Variants in ALG2 observed in about 807,000 individuals in gnomAD.
ALG2 encodes the protein alpha-1,3/1,6-mannosyltransferase ALG2.
ALG2 carries 32 observed loss-of-function variants against 30.5 expected under a neutral mutation model. The observed-to-expected ratio is 1.05, with a 90% CI of 0.79 to 1.41. The LOEUF (loss-of-function observed/expected upper bound fraction) is 1.41. Among genes scored for constraint, ALG2 ranks in the 40% most tolerant of loss-of-function variants. The probability of loss-of-function intolerance (pLI) is 0.00; values close to 1 mark genes in which losing one functional copy is unlikely to be tolerated. For synonymous variants in ALG2, 253 were observed against 224.8 expected, an observed-to-expected ratio of 1.13 and a Z score of -1.12; for missense variants, 574 against 526.4, an observed-to-expected ratio of 1.09 and a Z score of -0.88.
At position 99,221,571 on chromosome 9, in the gene ALG2, C is replaced by T. The variant is rs1418025063; in HGVS notation, c.324G>A (p.Glu108=). 1.3e-6 allele frequency: 2 copies of T among 1,544,696 alleles called. No individual in the cohort carries two copies. The highest frequency in any genetic ancestry group is 1.2e-5 in the South Asian group (1 of 84,090). ...ALYVLFLADE[E]FDVVVCDQVS... ...CCTGGTCGCACACTACCACGTCGAACTCCTCGTCGGCGAGGAACAGCACGT... is the reference window on the plus strand; with the variant it reads ...CCTGGTCGCACACTACCACGTCGAATTCCTCGTCGGCGAGGAACAGCACGT... The change falls in exon 1 of 2, where the codon GAG becomes GAA. Residue 108 remains glutamate, a synonymous_variant. Transcript: ENST00000476832.
In ALG2 at chr9:99,217,515, A is replaced by C; in HGVS notation, c.*419T>G. 2.2e-6 allele frequency: 1 copy of C among 455,478 alleles called. No homozygotes were observed. The highest frequency in any genetic ancestry group is 1.6e-5 in the South Asian group (1 of 64,492). The allele number at this position is 455,478 out of a possible 1,614,324, so 28.2% of individuals were successfully genotyped here. The stretch of plus-strand genomic sequence containing the variant: ...TGACAGTGAACACTTCGGTGGATTG[A>C]ATCTGGGAACTACAATAGCCCTGCT... On this transcript the variant is annotated 3_prime_UTR_variant, in exon 2 of 2. Coordinates refer to ENST00000476832, the MANE Select transcript of ALG2 (RefSeq NM_033087.4).
chr9:99,221,745 C>T lies in ALG2; in HGVS notation c.150G>A (p.Trp50Ter). ...LQARGCSVKI[W>*]TAHYDPGHCF... Reference sequence around the variant, plus strand: ...AGTGGCCCGGGTCGTAGTGCGCTGTCCAGATCTTCACGCTACACCCGCGCG... The same window carrying T: ...AGTGGCCCGGGTCGTAGTGCGCTGTTCAGATCTTCACGCTACACCCGCGCG... The change falls in exon 1 of 2, where the codon TGG becomes TGA. Residue 50 changes from tryptophan to a stop codon, truncating the protein, a stop_gained. Transcript: ENST00000476832. LOFTEE classifies it high-confidence loss of function. The T allele has an allele frequency of 6.3e-7, 1 of 1,599,022 alleles. No homozygotes were observed. Among genetic ancestry groups the T allele is most frequent in the Non-Finnish European group, 8.5e-7 (1 of 1,179,532 alleles).
chr9:99,218,056 T>C lies in ALG2; in HGVS notation c.1129A>G (p.Ile377Val), dbSNP rs886063260. 3 of 1,614,062 alleles carry C rather than the reference T, an allele frequency of 1.9e-6. No homozygotes were observed. Among genetic ancestry groups the C allele is most frequent in the South Asian group, 1.1e-5 (1 of 91,078 alleles). Residue 377 changes from isoleucine (I) to valine (V), a missense_variant, in exon 2 of 2, where the codon ATC (isoleucine) becomes GTC (valine). Ile to Val is a conservative substitution (Grantham distance 29). Transcript: ENST00000476832. ...GTGGCTTTTAAGGAAGGTTCACGGA[T>C]GAACTTTTCTATTGCTTCTGAGAAG... ...VHFSEAIEKF[I>V]REPSLKATMG...
At chr9:99,221,424 C>T (rs1828798091) in intron 1 of ALG2, 123 bp downstream of exon 1, 2 of 1,176,344 alleles carry the variant, frequency 1.7e-6, no homozygotes, top group Non-Finnish European at 2.4e-6. Context: ...ACCCTGACTT[C>T]TCCATGTCAG....
Position 99,217,152 on chromosome 9 carries a change from G to A in ALG2, c.*782C>T, listed in dbSNP as rs976253925. On this transcript the variant is annotated 3_prime_UTR_variant, in exon 2 of 2. Transcript: ENST00000476832. ...TGTGTCCTATACTTAGTAGGAGCTT[G>A]GTCAAGACAACACAAATATTAACAA... 6.6e-6 allele frequency: 3 copies of A among 453,904 alleles called. No individual in the cohort carries two copies. Among genetic ancestry groups the A allele is most frequent in the Admixed American group, 2.4e-5 (1 of 42,552 alleles). 28.1% of individuals were successfully genotyped at this position (453,904 alleles called of 1,614,324 possible).
At chr9:99,221,108 C>A in intron 1 of ALG2, 1 of 1,363,370 alleles carries the variant, frequency 7.3e-7, no homozygotes, top group Non-Finnish European at 9.7e-7. Flanking sequence ...GGCCTGGCTC[C>A]GAACACAAGG....
Position 99,218,768 on chromosome 9 carries a change from G to A in ALG2, c.417C>T (p.Phe139=). Residue 139 remains phenylalanine, a synonymous_variant, in exon 2 of 2, where the codon TTC becomes TTT. Transcript: ENST00000476832. ...RRKKILFYCH[F]PDLLLTKRDS... is the part of the protein sequence containing the mutation. ...CTCTCTTGGTGAGAAGCAGATCTGG[G>A]AAGTGACAGTAAAATAGGATCTTCT... 2 of 1,613,488 alleles carry A rather than the reference G, an allele frequency of 1.2e-6. No homozygotes were observed. Among genetic ancestry groups the A allele is most frequent in the Middle Eastern group, 1.7e-4 (1 of 6,060 alleles).
rs745921647 is a variant in ALG2, at chr9:99,218,772, T to C, written c.413A>G (p.His138Arg). 1 of 1,613,258 alleles carries C rather than the reference T, an allele frequency of 6.2e-7. No individual in the cohort carries two copies. The highest frequency in any genetic ancestry group is 8.5e-7 in the Non-Finnish European group (1 of 1,180,014). ...RRRKKILFYC[H>R]FPDLLLTKRD... ...CTTGGTGAGAAGCAGATCTGGGAAG[T>C]GACAGTAAAATAGGATCTTCTTCCG... is the stretch of plus-strand genomic sequence containing the variant. The change falls in exon 2 of 2, where the codon CAC becomes CGC. Residue 138 changes from histidine to arginine, a missense_variant. By Grantham distance (29) the His-to-Arg change is conservative. Transcript: ENST00000476832.
chr9:99,217,102 C>A lies in ALG2; in HGVS notation c.*832G>T, dbSNP rs931880508. The A allele has an allele frequency of 4.0e-5, 18 of 453,986 alleles. No homozygotes were observed. The highest frequency in any genetic ancestry group is 3.4e-4 in the African/African-American group (17 of 50,000). The allele number at this position is 453,986 out of a possible 1,614,324, so 28.1% of individuals were successfully genotyped here. A position where few individuals can be genotyped will look rare whatever the true frequency, so the allele number is the denominator to read the frequency against. On this transcript the variant is annotated 3_prime_UTR_variant, in exon 2 of 2. Transcript: ENST00000476832. ...AGCTTTGCAGCAGTGGCATTTGAGC[C>A]AGGCCTTGGAAGATAAAAAACATTT...
In ALG2 at chr9:99,217,251, C is replaced by T. The variant is rs1335858016; in HGVS notation, c.*683G>A. The T allele has an allele frequency of 2.2e-6, 1 of 454,104 alleles. No individual in the cohort carries two copies. Among genetic ancestry groups the T allele is most frequent in the Non-Finnish European group, 4.4e-6 (1 of 226,794 alleles). 28.1% of individuals were successfully genotyped at this position (454,104 alleles called of 1,614,324 possible). ...CAACACATGTGTGACAATATTCTTG[C>T]TTCATTTCAATATCCACTTTACCCT... On this transcript the variant is annotated 3_prime_UTR_variant, in exon 2 of 2. Coordinates refer to ENST00000476832, the MANE Select transcript of ALG2 (RefSeq NM_033087.4).
rs772649099 is a variant in ALG2 at position 99,218,029 on chromosome 9, T to C, written c.1156A>G (p.Met386Val). 66 of 1,614,110 alleles carry C rather than the reference T, an allele frequency of 4.1e-5. No individual in the cohort carries two copies. The Admixed American group carries it at 8.3e-4, about 20-fold the overall frequency. Residue 386 changes from methionine (M) to valine (V), a missense_variant, in exon 2 of 2, where the codon ATG becomes GTG. Coordinates refer to ENST00000476832, the MANE Select transcript of ALG2 (RefSeq NM_033087.4). ...ACTCTGGCTCTTCCAGCCAGGCCCA[T>C]GGTGGCTTTTAAGGAAGGTTCACGG... is the stretch of plus-strand genomic sequence containing the variant. The part of the protein sequence containing the change: ...FIREPSLKAT[M>V]GLAGRARVKE...
In ALG2 at chr9:99,216,865, G is replaced by T; in HGVS notation, c.*1069C>A. On this transcript the variant is annotated 3_prime_UTR_variant, in exon 2 of 2. Coordinates refer to ENST00000476832, the MANE Select transcript of ALG2 (RefSeq NM_033087.4). ...CTAGCTCTTAAGAGTTGATAAATGT[G>T]GAGCCTTTGGCTAGTAAGCTTTGCT... The T allele has an allele frequency of 4.4e-6, 2 of 454,132 alleles. No homozygotes were observed. Among genetic ancestry groups the T allele is most frequent in the Non-Finnish European group, 8.8e-6 (2 of 226,802 alleles). The allele number at this position is 454,132 out of a possible 1,614,324, so 28.1% of individuals were successfully genotyped here.
At position 99,216,554 on chromosome 9, in the gene ALG2, T is replaced by C. The variant is rs1053775692; in HGVS notation, c.*1380A>G. On this transcript the variant is annotated 3_prime_UTR_variant, in exon 2 of 2. Coordinates refer to ENST00000476832, the MANE Select transcript of ALG2 (RefSeq NM_033087.4). ...TGTGATACAGATGCACATGATAAAC[T>C]GTAAAATGGAATTTCACCCATTGAA... is the stretch of plus-strand genomic sequence containing the variant. 1 of 454,032 alleles carries C rather than the reference T, an allele frequency of 2.2e-6. No homozygotes were observed. Among genetic ancestry groups the C allele is most frequent in the African/African-American group, 2.0e-5 (1 of 50,016 alleles). 28.1% of individuals were successfully genotyped at this position (454,032 alleles called of 1,614,324 possible).
chr9:99,221,486 C>T, intron 1 of ALG2, 61 bp downstream of exon 1: 4 of 1,510,142 alleles, frequency 2.6e-6, no homozygotes, highest in Non-Finnish European at 3.6e-6. Flanking sequence ...AGGGGTCATG[C>T]CCGCGGCCGC....
chr9:99,216,471 G>A lies in ALG2; in HGVS notation c.*1463C>T, dbSNP rs946431116. The A allele has an allele frequency of 2.3e-6, 1 of 441,396 alleles. No homozygotes were observed. Among genetic ancestry groups the A allele is most frequent in the Admixed American group, 2.5e-5 (1 of 40,024 alleles). The allele number at this position is 441,396 out of a possible 1,614,324, so 27.3% of individuals were successfully genotyped here. ...ATCCCATAAAAGACTCAATATATTT[G>A]GCACCCTCATTTTATAGTACTCCTT... On this transcript the variant is annotated 3_prime_UTR_variant, in exon 2 of 2. Coordinates refer to ENST00000476832, the MANE Select transcript of ALG2 (RefSeq NM_033087.4).
Position 99,217,571 on chromosome 9 carries a change from C to CTTTGATAA in ALG2, c.*355_*362dup. The CTTTGATAA allele has an allele frequency of 2.2e-6, 1 of 461,014 alleles. No individual in the cohort carries two copies. Among genetic ancestry groups the CTTTGATAA allele is most frequent in the Non-Finnish European group, 4.3e-6 (1 of 231,452 alleles). The allele number at this position is 461,014 out of a possible 1,614,324, so 28.6% of individuals were successfully genotyped here. ...TATACTATGAAGCCAAATTAATCAACTTTGATAATGATACACACTTAAACT... is the reference window on the plus strand; with the variant it reads ...TATACTATGAAGCCAAATTAATCAACTTTGATAATTTGATAATGATACACACTTAAACT... On this transcript the variant is annotated 3_prime_UTR_variant, in exon 2 of 2. Transcript: ENST00000476832.
Position 99,218,270 on chromosome 9 carries a change from G to A in ALG2, c.915C>T (p.Asp305=). 1 of 1,614,248 alleles carries A rather than the reference G, an allele frequency of 6.2e-7. No individual in the cohort carries two copies. The highest frequency in any genetic ancestry group is 8.5e-7 in the Non-Finnish European group (1 of 1,180,032). ...TGTGGAGGAGGGAGATTTTCTGTTT[G>A]TCTGAGAAAGACCTCAAGAAGGTCA... ...QYVTFLRSFS[D]KQKISLLHSC... The change falls in exon 2 of 2, where the codon GAC becomes GAT. Residue 305 remains aspartate, a synonymous_variant. Transcript: ENST00000476832.
rs190332411 is a variant in ALG2 at position 99,216,827 on chromosome 9, T to C, written c.*1107A>G. 3 of 454,148 alleles carry C rather than the reference T, an allele frequency of 6.6e-6. No individual in the cohort carries two copies. In the East Asian group the frequency reaches 2.1e-4, roughly 32 times the overall value. 28.1% of individuals were successfully genotyped at this position (454,148 alleles called of 1,614,324 possible). A position where few individuals can be genotyped will look rare whatever the true frequency, so the allele number is the denominator to read the frequency against. On this transcript the variant is annotated 3_prime_UTR_variant, in exon 2 of 2. Coordinates refer to ENST00000476832, the MANE Select transcript of ALG2 (RefSeq NM_033087.4). ...ATTTACACAAAATCATATAGGCTGT[T>C]AGGCTCTCAAGTCTAGCTCTTAAGA... is the stretch of plus-strand genomic sequence containing the variant.
chr9:99,220,869 T>A, intron 1 of ALG2: 2 of 1,158,402 alleles, frequency 1.7e-6, no homozygotes, highest in South Asian at 2.7e-5. Context: ...ACTAAATTTT[T>A]AATCGAGTAA....
Sources: allele counts gnomAD v4.1 joint callset, GRCh38; gene constraint gnomAD v4.1.1; transcripts MANE v1.5; gene names NCBI Gene and HGNC (gene_info 2026-07-23, HGNC 2026-07-21).